Variants in MAGI2 observed in about 807,000 individuals in gnomAD.
MAGI2 encodes the protein membrane-associated guanylate kinase, WW and PDZ domain-containing protein 2.
In MAGI2, 35 loss-of-function variants were observed where a neutral mutation model predicts 133.3. The observed-to-expected ratio is 0.26, with a 90% confidence interval of 0.20 to 0.35. MAGI2 has a LOEUF of 0.35. Among genes scored for constraint, MAGI2 ranks in the 10% least tolerant of loss-of-function variants. MAGI2 has a pLI of 1.00. For missense variants in MAGI2, 1,636 were observed against 1,863.4 expected (o/e 0.88, Z 2.25); for synonymous variants, 729 against 710.6 (o/e 1.03, Z -0.41).
intron 4 of MAGI2, chr7:78,518,367 G>A (rs1291308043): frequency 6.6e-6 from 1 of 152,064 alleles, no homozygotes; most frequent in East Asian, 1.9e-4. Context: ...TATGGATTGT[G>A]GACCAAGTTT....
intron 2 of MAGI2, among the ~76,000 whole-genome samples, chr7:78,819,055 A>G (rs1202694974): frequency 6.6e-6 from 1 of 152,142 alleles, no homozygotes; most frequent in Admixed American, 6.5e-5. Context: ...TGAAATATTC[A>G]TAATAAAAGT....
intron 6 of MAGI2, among the ~76,000 whole-genome samples, chr7:78,452,541 TC>T (rs1228800020): frequency 3.9e-5 from 6 of 151,922 alleles, no homozygotes; most frequent in Non-Finnish European, 7.4e-5. Context: ...AACCCACAGT[TC>T]TTAAGTATAA....
chr7:79,248,719 T>C (rs1832995229), intron 1 of MAGI2, among the ~76,000 whole-genome samples: 1 of 152,080 alleles, frequency 6.6e-6, no homozygotes, highest in African/African-American at 2.4e-5. Flanking sequence ...AAGAGGAATT[T>C]TGGAAACTAT....
intron 1 of MAGI2, among the ~76,000 whole-genome samples, chr7:79,261,301 G>A (rs1302302467): frequency 2.0e-5 from 3 of 152,162 alleles, no homozygotes; most frequent in East Asian, 3.9e-4. Flanking sequence ...ACACACCAGG[G>A]TTTCCCCTGG....
chr7:79,018,736 G>C (rs1808996389), intron 1 of MAGI2, among the ~76,000 whole-genome samples: 2 of 152,154 alleles, frequency 1.3e-5, no homozygotes. Flanking sequence ...GAAAAAAGCA[G>C]AGGTTGCTAT....
intron 20 of MAGI2, among the ~76,000 whole-genome samples, chr7:78,100,097 T>A (rs1364788383): frequency 6.6e-6 from 1 of 152,168 alleles, no homozygotes; most frequent in Admixed American, 6.5e-5. Flanking sequence ...ACATACCTGT[T>A]TACAAAGAAG....
chr7:78,944,707 C>CTATTTATTTATT (rs56177719), intron 2 of MAGI2, among the ~76,000 whole-genome samples: 119 of 147,594 alleles, frequency 8.1e-4, no homozygotes, highest in African/African-American at 1.7e-3. Context: ...AAATAGACTA[C>CTATTTATTTATT]TATTTATTTA....
At chr7:79,107,556 A>T (rs1295143467) in intron 1 of MAGI2, among the ~76,000 whole-genome samples, 2 of 152,186 alleles carry the variant, frequency 1.3e-5, no homozygotes, top group African/African-American at 4.8e-5. Context: ...GTTGTTGAAA[A>T]CTGCTAAATC....
chr7:78,943,017 A>T (rs1801112916), intron 2 of MAGI2, among the ~76,000 whole-genome samples: 1 of 152,124 alleles, frequency 6.6e-6, no homozygotes, highest in South Asian at 2.1e-4. Flanking sequence ...ATAGGAAACT[A>T]GTCCTAATTT....
intron 10 of MAGI2, among the ~76,000 whole-genome samples, chr7:78,224,629 A>C (rs576225256): frequency 2.2e-4 from 34 of 151,776 alleles, no homozygotes; most frequent in African/African-American, 7.3e-4. Flanking sequence ...TCAAGCCACC[A>C]CATTCCAGCC....
chr7:78,435,206 G>C lies in MAGI2; in HGVS notation c.1045+54555C>G, dbSNP rs554272926. Among the ~76,000 whole-genome samples, 12 of 152,212 alleles carry C rather than the reference G, an allele frequency of 7.9e-5. No homozygotes were observed. In the East Asian group the frequency reaches 2.3e-3, roughly 29 times the overall value. On this transcript the variant is annotated intron_variant, in intron 6 of 21. Transcript: ENST00000354212. Reference sequence around the variant, plus strand: ...TAAAAAGAGAGAATGTGTTAAGAAGGCCTAGCATAGTTTCTGGCTTATAAT... The same window carrying C: ...TAAAAAGAGAGAATGTGTTAAGAAGCCCTAGCATAGTTTCTGGCTTATAAT...
chr7:78,431,208 T>C (rs896744390), intron 6 of MAGI2, among the ~76,000 whole-genome samples: 1 of 152,048 alleles, frequency 6.6e-6, no homozygotes, highest in Non-Finnish European at 1.5e-5. Flanking sequence ...TAACTTCATT[T>C]AGGAAAATAT....
chr7:78,843,093 T>G (rs1792282888), intron 2 of MAGI2, among the ~76,000 whole-genome samples: 1 of 152,022 alleles, frequency 6.6e-6, no homozygotes, highest in Non-Finnish European at 1.5e-5. Context: ...GCTTTCTAAC[T>G]GCTTGCTGTA....
intron 1 of MAGI2, among the ~76,000 whole-genome samples, chr7:79,408,960 C>G (rs965734133): frequency 6.6e-6 from 1 of 152,106 alleles, no homozygotes; most frequent in Non-Finnish European, 1.5e-5. Context: ...TTAACATGCA[C>G]AGAAATTGTA....
intron 21 of MAGI2, chr7:78,035,233 G>C (rs923903703): frequency 1.4e-5 from 2 of 145,636 alleles, no homozygotes; most frequent in Non-Finnish European, 3.1e-5. Context: ...GAGATGGGAC[G>C]GGGCGGGACA....
intron 4 of MAGI2, among the ~76,000 whole-genome samples, chr7:78,505,771 C>T (rs1293656059): frequency 6.6e-6 from 1 of 152,098 alleles, no homozygotes; most frequent in African/African-American, 2.4e-5. Flanking sequence ...CTAAGGGAAT[C>T]GTATGTATAT....
At chr7:79,173,252 A>T (rs1165517806) in intron 1 of MAGI2, among the ~76,000 whole-genome samples, 1 of 152,080 alleles carries the variant, frequency 6.6e-6, no homozygotes, top group East Asian at 1.9e-4. Context: ...TCAGAGAAAT[A>T]AAAAAAGCAG....
chr7:78,648,509 ACTTGT>A (rs1414875495), intron 2 of MAGI2, among the ~76,000 whole-genome samples: 2 of 152,032 alleles, frequency 1.3e-5, no homozygotes, highest in African/African-American at 4.8e-5. Context: ...TTTTTTCTTC[ACTTGT>A]CTTTTATTTA....
intron 2 of MAGI2, 58 bp from the exon 3 acceptor site, chr7:78,627,297 T>C (rs1808472493): frequency 7.2e-7 from 1 of 1,393,206 alleles, no homozygotes; most frequent in Non-Finnish European, 9.4e-7. Context: ...TGTTGAACTT[T>C]AGAAATACCA....
Sources: gnomAD v4.1 joint callset for allele counts (sites outside exome capture counted in the v4.1 genomes callset) on GRCh38, gnomAD v4.1.1 for gene constraint, MANE v1.5 for transcripts, NCBI Gene and HGNC (gene_info 2026-07-23, HGNC 2026-07-21) for gene names.